The following FARS2 variants were observed in gnomAD, a reference collection of about 807,000 sequenced individuals.
FARS2 encodes the protein phenylalanine--tRNA ligase, mitochondrial.
Under a neutral mutation model 46.4 loss-of-function variants are expected in FARS2, and 40 were observed. The observed-to-expected ratio is 0.86, with a 90% CI of 0.67 to 1.12. The LOEUF (loss-of-function observed/expected upper bound fraction) is 1.12. FARS2 is among the 50% of genes most tolerant of loss of function. The probability of loss-of-function intolerance (pLI) is 0.00; values close to 1 mark genes in which losing one functional copy is unlikely to be tolerated. For missense variants in FARS2, 513 were observed against 567.9 expected, an observed-to-expected ratio of 0.90 and a Z score of 0.98; for synonymous variants, 234 against 214.9, an observed-to-expected ratio of 1.09 and a Z score of -0.78.
At chr6:5,628,516 C>A (rs1332402955) in intron 6 of FARS2, among the ~76,000 whole-genome samples, 1 of 152,216 alleles carries the variant, frequency 6.6e-6, no homozygotes, top group Admixed American at 6.5e-5. Flanking sequence ...CGCTTTGGCC[C>A]CGTGGACAGA....
intron 6 of FARS2, among the ~76,000 whole-genome samples, chr6:5,671,283 G>A (rs886438699): frequency 5.3e-5 from 8 of 152,218 alleles, no homozygotes; most frequent in Non-Finnish European, 1.5e-5. Context: ...AGCTTTCAGA[G>A]CATGACGTAA....
rs1008341418 is a variant in FARS2 at position 5,409,175 on chromosome 6, G to T, written c.772+4474G>T. 2.0e-5 allele frequency among the ~76,000 whole-genome samples: 3 copies of T among 152,150 alleles called. No individual in the cohort carries two copies. In the South Asian group the frequency reaches 6.2e-4, roughly 32 times the overall value. ...ATTAAGAATCTTAAATTTGGGCCAG[G>T]CGCGGTGGCTCACACCTGTAATACC... On this transcript the variant is annotated intron_variant, in intron 3 of 6. Coordinates refer to ENST00000274680, the MANE Select transcript of FARS2 (RefSeq NM_006567.5).
At chr6:5,354,267 C>T (rs1371205746) in intron 1 of FARS2, among the ~76,000 whole-genome samples, 1 of 152,070 alleles carries the variant, frequency 6.6e-6, no homozygotes, top group African/African-American at 2.4e-5. Flanking sequence ...AGATAGCTTA[C>T]AACAGCATGA....
At chr6:5,590,914 C>T (rs1178547447) in intron 5 of FARS2, among the ~76,000 whole-genome samples, 1 of 152,098 alleles carries the variant, frequency 6.6e-6, no homozygotes, top group African/African-American at 2.4e-5. Flanking sequence ...AGTGAAATTC[C>T]TGGAAAATGA....
At chr6:5,605,223 T>C (rs1356650403) in intron 5 of FARS2, among the ~76,000 whole-genome samples, 1 of 152,116 alleles carries the variant, frequency 6.6e-6, no homozygotes, top group Non-Finnish European at 1.5e-5. Flanking sequence ...AACCAGACAC[T>C]GTGGGCTGCA....
rs139273632 is a variant in FARS2 at position 5,664,408 on chromosome 6, G to A, written c.1217+51088G>A. On this transcript the variant is annotated intron_variant, in intron 6 of 6. Coordinates refer to ENST00000274680, the MANE Select transcript of FARS2 (RefSeq NM_006567.5). ...CCTTTGCCTGTCACCCTGGGAGCTG[G>A]CTTCCAGGCCTTGGGCATGGATCCC... is the stretch of plus-strand genomic sequence containing the variant. Among the ~76,000 whole-genome samples the A allele has an allele frequency of 2.3e-4, 35 of 152,276 alleles. No individual in the cohort carries two copies. In the East Asian group the frequency reaches 4.3e-3, roughly 19 times the overall value.
intron 5 of FARS2, 79 bp from the exon 6 acceptor site, chr6:5,613,090 G>A: frequency 2.4e-6 from 3 of 1,273,014 alleles, no homozygotes; most frequent in South Asian, 2.6e-5. Context: ...AATTAGTCAA[G>A]TGCAACTTTT....
chr6:5,265,320 C>T (rs1474770402), intron 1 of FARS2, among the ~76,000 whole-genome samples: 1 of 152,144 alleles, frequency 6.6e-6, no homozygotes, highest in Non-Finnish European at 1.5e-5. Context: ...ATTTAGAGAA[C>T]TCTTAAGTGT....
At chr6:5,491,894 C>T (rs1425188043) in intron 4 of FARS2, among the ~76,000 whole-genome samples, 6 of 149,700 alleles carry the variant, frequency 4.0e-5, no homozygotes, top group African/African-American at 7.6e-5. Flanking sequence ...ACCTACCTCA[C>T]GGTGCTATTG....
intron 3 of FARS2, among the ~76,000 whole-genome samples, chr6:5,416,516 C>T (rs1220467223): frequency 6.6e-6 from 1 of 152,184 alleles, no homozygotes; most frequent in African/African-American, 2.4e-5. Context: ...TGACACAATA[C>T]TTCACTGTCT....
intron 2 of FARS2, among the ~76,000 whole-genome samples, chr6:5,377,685 G>T (rs1268319638): frequency 6.6e-6 from 1 of 151,994 alleles, no homozygotes; most frequent in Non-Finnish European, 1.5e-5. Flanking sequence ...TGATTTTACA[G>T]GAAAATAAAA....
At chr6:5,743,939 C>T (rs1761495119) in intron 6 of FARS2, among the ~76,000 whole-genome samples, 1 of 152,268 alleles carries the variant, frequency 6.6e-6, no homozygotes, top group South Asian at 2.1e-4. Context: ...GTGCGTTTCT[C>T]CTCAACGTCC....
chr6:5,738,380 A>G (rs1024833029), intron 6 of FARS2, among the ~76,000 whole-genome samples: 1 of 152,262 alleles, frequency 6.6e-6, no homozygotes, highest in South Asian at 2.1e-4. Context: ...CAGAGGAAAC[A>G]GAACCCTAAA....
chr6:5,257,006 T>C (rs1764709049), upstream of FARS2, among the ~76,000 whole-genome samples: 2 of 152,184 alleles, frequency 1.3e-5, no homozygotes, highest in Admixed American at 1.3e-4. Context: ...TATCTTCCAC[T>C]ATTCCTGTCC....
At chr6:5,421,145 A>G (rs1562027754) in intron 3 of FARS2, among the ~76,000 whole-genome samples, 1 of 152,156 alleles carries the variant, frequency 6.6e-6, no homozygotes, top group Admixed American at 6.5e-5. Flanking sequence ...CCAAACCTCA[A>G]TTCTTGACTT....
intron 5 of FARS2, among the ~76,000 whole-genome samples, chr6:5,555,912 C>G (rs917773743): frequency 7.2e-5 from 11 of 152,034 alleles, no homozygotes; most frequent in African/African-American, 2.7e-4. Context: ...AGACTATAGA[C>G]AAGTTTGTAT....
intron 4 of FARS2, among the ~76,000 whole-genome samples, chr6:5,448,697 ATAG>A (rs1479613374): frequency 1.7e-4 from 26 of 152,348 alleles, no homozygotes; most frequent in African/African-American, 6.3e-4. Context: ...AAGTACATTT[ATAG>A]GATTTATTTC....
At chr6:5,355,570 G>A (rs1223677536) in intron 1 of FARS2, among the ~76,000 whole-genome samples, 2 of 151,658 alleles carry the variant, frequency 1.3e-5, no homozygotes, top group East Asian at 1.9e-4. Context: ...TGCTGGCCAG[G>A]CTGGTCTTGA....
intron 4 of FARS2, among the ~76,000 whole-genome samples, chr6:5,504,222 A>C (rs2150388063): frequency 6.6e-6 from 1 of 152,300 alleles, no homozygotes; most frequent in African/African-American, 2.4e-5. Context: ...TTTACTGGAT[A>C]AATTTTTATT....
Sources: allele counts gnomAD v4.1 joint callset (sites outside exome capture counted in the v4.1 genomes callset), GRCh38; gene constraint gnomAD v4.1.1; transcripts MANE v1.5; gene names NCBI Gene and HGNC (gene_info 2026-07-23, HGNC 2026-07-21).